Variants in GKAP1 observed in about 807,000 individuals in gnomAD.
GKAP1 encodes G kinase-anchoring protein 1.
GKAP1 carries 31 observed loss-of-function variants against 56.7 expected under a neutral mutation model. The observed-to-expected ratio is 0.55, with a 90% CI of 0.41 to 0.74. The LOEUF is 0.74. Among genes scored for constraint, GKAP1 ranks in the 30% least tolerant of loss-of-function variants. GKAP1 has a pLI of 0.00. For missense variants in GKAP1, 364 were observed against 402.3 expected, an observed-to-expected ratio of 0.90 and a Z score of 0.82; for synonymous variants, 151 against 138.6, an observed-to-expected ratio of 1.09 and a Z score of -0.63.
chr9:83,760,321 AT>A (rs1943547588), intron 8 of GKAP1, among the ~76,000 whole-genome samples: 1 of 152,106 alleles, frequency 6.6e-6, no homozygotes, highest in Non-Finnish European at 1.5e-5. Flanking sequence ...AGATATAACA[AT>A]TTTAAATACA....
intron 8 of GKAP1, among the ~76,000 whole-genome samples, chr9:83,766,881 A>T (rs1943672643): frequency 6.6e-6 from 1 of 152,184 alleles, no homozygotes; most frequent in Non-Finnish European, 1.5e-5. Flanking sequence ...AAAACAGGCA[A>T]GGCAGACAAT....
chr9:83,804,026 C>T (rs1200114099), intron 3 of GKAP1, among the ~76,000 whole-genome samples: 5 of 151,498 alleles, frequency 3.3e-5, no homozygotes, highest in Non-Finnish European at 5.9e-5. Context: ...GCATCCGCCC[C>T]GTCTGAGAAG....
At chr9:83,778,676 A>G (rs571281510) in intron 7 of GKAP1, among the ~76,000 whole-genome samples, 1 of 152,280 alleles carries the variant, frequency 6.6e-6, no homozygotes, top group African/African-American at 2.4e-5. Flanking sequence ...AAACCTACAC[A>G]TGTACCCCTG....
At chr9:83,758,492 G>C (rs139436678) in intron 8 of GKAP1, among the ~76,000 whole-genome samples, 131 of 152,236 alleles carry the variant, frequency 8.6e-4, no homozygotes, top group African/African-American at 3.1e-3. Context: ...CAGCAATTTG[G>C]GAGGCTGAGG....
intron 7 of GKAP1, among the ~76,000 whole-genome samples, chr9:83,774,626 A>G (rs1943821208): frequency 6.6e-6 from 1 of 151,824 alleles, no homozygotes; most frequent in Non-Finnish European, 1.5e-5. Flanking sequence ...AGCAAAAACA[A>G]AAACTGACAA....
At chr9:83,790,145 A>G (rs896982546) in intron 4 of GKAP1, among the ~76,000 whole-genome samples, 8 of 152,226 alleles carry the variant, frequency 5.3e-5, no homozygotes, top group African/African-American at 1.9e-4. Context: ...AAGAGAGGAA[A>G]AAAAGATTAA....
Position 83,803,659 on chromosome 9 carries a change from T to A in GKAP1, c.216+2643A>T, listed in dbSNP as rs1944372465. On this transcript the variant is annotated intron_variant, in intron 3 of 12. Coordinates refer to ENST00000376371, the MANE Select transcript of GKAP1 (RefSeq NM_025211.4). ...CTCCCAAAGTGCCAAGATTGCAGCC[T>A]CTGCCCGGCCGCCACCCCGTCTGGG... Among the ~76,000 whole-genome samples the A allele has an allele frequency of 2.6e-5, 4 of 152,282 alleles. No homozygotes were observed. In the South Asian group the frequency reaches 8.3e-4, roughly 32 times the overall value.
rs1312182158 is a variant in GKAP1, at chr9:83,756,427, C to T, written c.739-3068G>A. Among the ~76,000 whole-genome samples, 8 of 135,084 alleles carry T rather than the reference C, an allele frequency of 5.9e-5. No homozygotes were observed. The South Asian group carries it at 7.1e-4, about 12-fold the overall frequency. 88.6% of individuals were successfully genotyped at this position (135,084 alleles called of 152,430 possible). Reference sequence around the variant, plus strand: ...CGAAGGTTGCAGTGAGCTGAGATTGCGCTACTGCACTCCACCCTGGGCAAC... The same window carrying T: ...CGAAGGTTGCAGTGAGCTGAGATTGTGCTACTGCACTCCACCCTGGGCAAC... On this transcript the variant is annotated intron_variant, in intron 8 of 12. Transcript: ENST00000376371.
chr9:83,804,023 C>A (rs1944381571), intron 3 of GKAP1, among the ~76,000 whole-genome samples: 2 of 151,068 alleles, frequency 1.3e-5, no homozygotes, highest in South Asian at 4.2e-4. Context: ...CCAGCATCCG[C>A]CCCGTCTGAG....
intron 8 of GKAP1, among the ~76,000 whole-genome samples, chr9:83,758,579 A>T (rs973821500): frequency 3.9e-5 from 6 of 152,024 alleles, no homozygotes; most frequent in African/African-American, 1.4e-4. Flanking sequence ...CTAAATAAAT[A>T]AAAAAATAAT....
intron 4 of GKAP1, among the ~76,000 whole-genome samples, chr9:83,790,200 T>C (rs968345695): frequency 1.3e-5 from 2 of 152,036 alleles, no homozygotes; most frequent in African/African-American, 4.8e-5. Context: ...ACAATTAGAA[T>C]TAAAATGGTA....
At chr9:83,757,008 C>T (rs182832863) in intron 8 of GKAP1, among the ~76,000 whole-genome samples, 1 of 152,006 alleles carries the variant, frequency 6.6e-6, no homozygotes, top group African/African-American at 2.4e-5. Context: ...AAAAGATGTA[C>T]AAGATAAAGC....
Position 83,779,461 on chromosome 9 carries a change from A to ACACACACACACG in GKAP1, c.585+920_585+921insCGTGTGTGTGTG, listed in dbSNP as rs1286080757. 2.0e-4 allele frequency among the ~76,000 whole-genome samples: 19 copies of ACACACACACACG among 94,140 alleles called. 1 individual carries two copies. The highest frequency in any genetic ancestry group is 4.4e-4 in the Non-Finnish European group (18 of 41,112). The allele number at this position is 94,140 out of a possible 152,430, so 61.8% of individuals were successfully genotyped here. A position where few individuals can be genotyped will look rare whatever the true frequency, so the allele number is the denominator to read the frequency against. ...TATATATATATATACACACACACACACACGCACATATACATATACATACAT... is the reference window on the plus strand; with the variant it reads ...TATATATATATATACACACACACACACACACACACACGCACGCACATATACATATACATACAT... On this transcript the variant is annotated intron_variant, in intron 7 of 12. Coordinates refer to ENST00000376371, the MANE Select transcript of GKAP1 (RefSeq NM_025211.4).
chr9:83,769,113 C>T, intron 7 of GKAP1, 143 bp from the exon 8 acceptor site: 1 of 590,108 alleles, frequency 1.7e-6, no homozygotes, highest in Non-Finnish European at 2.9e-6. Context: ...AAAATGACAG[C>T]TAAGAGACAA....
intron 7 of GKAP1, among the ~76,000 whole-genome samples, chr9:83,779,833 T>A (rs72749106): frequency 6.6e-6 from 1 of 151,792 alleles, no homozygotes; most frequent in Non-Finnish European, 1.5e-5. Context: ...ACTAAAAGAT[T>A]TGGAGAGGCT....
At chr9:83,804,347 G>A (rs1210303436) in intron 3 of GKAP1, among the ~76,000 whole-genome samples, 5 of 130,742 alleles carry the variant, frequency 3.8e-5, no homozygotes, top group Non-Finnish European at 4.9e-5. Context: ...GGAGGGAGGT[G>A]GGGGGGTCAG....
At chr9:83,740,862 T>C (rs1161279502) in intron 12 of GKAP1, among the ~76,000 whole-genome samples, 1 of 152,104 alleles carries the variant, frequency 6.6e-6, no homozygotes, top group African/African-American at 2.4e-5. Context: ...ATAATAACCA[T>C]TTCAACATCA....
intron 8 of GKAP1, among the ~76,000 whole-genome samples, chr9:83,766,803 G>T (rs757051074): frequency 1.3e-4 from 20 of 152,206 alleles, no homozygotes; most frequent in Non-Finnish European, 1.8e-4. Context: ...ACATAGTACT[G>T]ATTTTCAGAT....
At chr9:83,742,251 A>G (rs1038059946) in intron 11 of GKAP1, among the ~76,000 whole-genome samples, 2 of 118,820 alleles carry the variant, frequency 1.7e-5, no homozygotes, top group African/African-American at 5.5e-5. Flanking sequence ...GAGAAAAATC[A>G]AGCCCAGATA....
Sources: gnomAD v4.1 joint callset for allele counts (sites outside exome capture counted in the v4.1 genomes callset) on GRCh38, gnomAD v4.1.1 for gene constraint, MANE v1.5 for transcripts, NCBI Gene and HGNC (gene_info 2026-07-23, HGNC 2026-07-21) for gene names.